Variants in SLTM observed in about 807,000 individuals in gnomAD.
The protein encoded by SLTM is SAFB-like transcription modulator.
A neutral mutation model predicts 134.6 loss-of-function variants in SLTM; 43 were observed. The observed-to-expected ratio is 0.32, with a 90% confidence interval of 0.25 to 0.41. The LOEUF (loss-of-function observed/expected upper bound fraction) is 0.41, where lower values mean the gene tolerates loss of function less well. Among genes scored for constraint, SLTM ranks in the 10% least tolerant of loss-of-function variants. The pLI is 1.00. For missense variants in SLTM, 1,055 were observed against 1,288.8 expected (o/e 0.82, Z 2.78); for synonymous variants, 424 against 432.3 (o/e 0.98, Z 0.24).
At position 58,897,168 on chromosome 15, in the gene SLTM, A is replaced by G. The variant is rs1318437240; in HGVS notation, c.1174T>C (p.Ser392Pro). The G allele has an allele frequency of 6.2e-7, 1 of 1,613,492 alleles. No individual in the cohort carries two copies. Among genetic ancestry groups the G allele is most frequent in the Admixed American group, 1.7e-5 (1 of 60,008 alleles). Reference protein sequence around the residue: ...STKNIWVSGLSSNTKAADLKN... With the variant: ...STKNIWVSGLPSNTKAADLKN... ...AAATCAGCAGCTTTGGTATTAGATG[A>G]AAGTCCACTAACCCAGATATTTTTA... is the stretch of plus-strand genomic sequence containing the variant. Residue 392 changes from serine to proline, a missense_variant, in exon 9 of 21, where the codon TCA (serine) becomes CCA (proline). Around this residue, in one of 3 missense-constraint regions of SLTM, gnomAD observed 776 missense variants for 962.2 expected, o/e 0.81. Transcript: ENST00000380516.
Position 58,893,063 on chromosome 15 carries a change from G to A in SLTM, c.1735-3C>T. On this transcript the variant is annotated splice_polypyrimidine_tract_variant and splice_region_variant and intron_variant, in intron 13 of 20. Transcript: ENST00000380516. ...TTTTCCTTACTTCTTCCATGAATCT[G>A]TAGAAAAAAATTAGAAGAACACTAG... 1 of 1,566,894 alleles carries A rather than the reference G, an allele frequency of 6.4e-7. No individual in the cohort carries two copies. Among genetic ancestry groups the A allele is most frequent in the Non-Finnish European group, 8.6e-7 (1 of 1,165,298 alleles).
chr15:58,887,244 G>A lies in SLTM; in HGVS notation c.2672C>T (p.Thr891Ile), dbSNP rs1444655866. The change falls in exon 18 of 21, where the codon ACT becomes ATT. Residue 891 changes from threonine to isoleucine, a missense_variant. By Grantham distance (89) the Thr-to-Ile change is moderately conservative. Around this residue, in one of 3 missense-constraint regions of SLTM, gnomAD observed 776 missense variants for 962.2 expected, o/e 0.81. Transcript: ENST00000380516. ...TSWKSEGSMS[T>I]DKRETRVERP... is the part of the protein sequence containing the mutation. ...CAGCTACCTTGTTTCCCGTTTGTCA[G>A]TGGACATGCTTCCTTCACTTTTCCA... The A allele has an allele frequency of 2.5e-6, 4 of 1,613,890 alleles. No homozygotes were observed. Among genetic ancestry groups the A allele is most frequent in the Non-Finnish European group, 2.5e-6 (3 of 1,179,908 alleles).
At position 58,894,488 on chromosome 15, in the gene SLTM, C is replaced by G. The variant is rs775102735; in HGVS notation, c.1322G>C (p.Cys441Ser). ...TMSSSTEVSR[C>S]IAHLHRTELH... Reference sequence around the variant, plus strand: ...CTCAGTGCGATGAAGATGTGCAATACACCTGGACACCTCTGTGCTTGAAGA... The same window carrying G: ...CTCAGTGCGATGAAGATGTGCAATAGACCTGGACACCTCTGTGCTTGAAGA... The change falls in exon 10 of 21, where the codon TGT becomes TCT. Residue 441 changes from cysteine (C) to serine (S), a missense_variant. Transcript: ENST00000380516. The G allele has an allele frequency of 1.7e-5, 27 of 1,614,034 alleles. No homozygotes were observed. Among genetic ancestry groups the G allele is most frequent in the Non-Finnish European group, 2.2e-5 (26 of 1,180,022 alleles).
chr15:58,893,442 T>G, intron 12 of SLTM, 78 bp from the exon 13 acceptor site: 3 of 979,432 alleles, frequency 3.1e-6, no homozygotes, highest in Non-Finnish European at 4.6e-6. Context: ...AAATGCTAAA[T>G]TCTGATAGTC....
chr15:58,927,110 G>A (rs1041712208), intron 2 of SLTM, among the ~76,000 whole-genome samples: 5 of 152,072 alleles, frequency 3.3e-5, no homozygotes, highest in Non-Finnish European at 5.9e-5. Context: ...AATGTGTAAG[G>A]AGAAGCCATT....
At chr15:58,885,629 C>G (rs1217725783) in intron 19 of SLTM, among the ~76,000 whole-genome samples, 2 of 151,984 alleles carry the variant, frequency 1.3e-5, no homozygotes, top group Non-Finnish European at 2.9e-5. Context: ...ACTAAAAATA[C>G]AAAAATTAGC....
intron 14 of SLTM, 109 bp from the exon 15 acceptor site, chr15:58,890,570 T>C: frequency 9.3e-7 from 1 of 1,069,686 alleles, no homozygotes; most frequent in Non-Finnish European, 1.3e-6. Context: ...AAATTTCAAC[T>C]CAATCTAAGT....
intron 20 of SLTM, 33 bp downstream of exon 20, chr15:58,883,593 G>A: frequency 6.2e-7 from 1 of 1,612,210 alleles, no homozygotes; most frequent in Non-Finnish European, 8.5e-7. Flanking sequence ...AGTGTTGGTT[G>A]TGTGCTGGCA....
chr15:58,884,815 A>G (rs141069482), intron 19 of SLTM, among the ~76,000 whole-genome samples: 56 of 151,776 alleles, frequency 3.7e-4, no homozygotes, highest in African/African-American at 1.0e-3. Context: ...TAATTTTCCT[A>G]TGGAGATGGG....
intron 2 of SLTM, among the ~76,000 whole-genome samples, chr15:58,930,649 G>C (rs1450982493): frequency 5.9e-5 from 9 of 151,314 alleles, no homozygotes; most frequent in Admixed American, 4.6e-4. Flanking sequence ...AGGAGTTTGA[G>C]GCTGCAAAGA....
At chr15:58,883,417 T>C (rs1261960472) in intron 20 of SLTM, 10 of 599,956 alleles carry the variant, frequency 1.7e-5, no homozygotes, top group Non-Finnish European at 2.6e-5. Context: ...GTCACTGAAT[T>C]CATTTAAAAG....
At chr15:58,893,184 G>T in intron 13 of SLTM, 95 bp downstream of exon 13, 1 of 1,403,802 alleles carries the variant, frequency 7.1e-7, no homozygotes, top group Admixed American at 2.3e-5. Context: ...GGGTTTGCTA[G>T]CATGCAAGTA....
chr15:58,903,576 T>C (rs919384423), intron 5 of SLTM, among the ~76,000 whole-genome samples: 2 of 150,646 alleles, frequency 1.3e-5, no homozygotes, highest in Admixed American at 6.6e-5. Flanking sequence ...TTAGGAGATA[T>C]ACCTGACGCT....
At chr15:58,901,018 A>C in intron 6 of SLTM, 2 of 389,292 alleles carry the variant, frequency 5.1e-6, no homozygotes, top group Non-Finnish European at 9.3e-6. Flanking sequence ...GGGTTAAATA[A>C]AAAATAGCAT....
chr15:58,886,110 T>C (rs1411497385), intron 19 of SLTM, among the ~76,000 whole-genome samples: 3 of 152,116 alleles, frequency 2.0e-5, no homozygotes, highest in Admixed American at 6.5e-5. Flanking sequence ...TTTAAAAATA[T>C]GTAACATTAC....
At chr15:58,890,104 A>G in intron 15 of SLTM, 177 bp downstream of exon 15, 1 of 661,842 alleles carries the variant, frequency 1.5e-6, no homozygotes, top group Non-Finnish European at 2.6e-6. Context: ...CAAAGTCACT[A>G]CTAATTCTAT....
chr15:58,883,701 TGAGAGG>T lies in SLTM; in HGVS notation c.2915_2920del (p.Pro972_Ser973del). The T allele has an allele frequency of 6.2e-7, 1 of 1,614,054 alleles. No individual in the cohort carries two copies. Among genetic ancestry groups the T allele is most frequent in the Non-Finnish European group, 8.5e-7 (1 of 1,180,004 alleles). On this transcript the variant is annotated inframe_deletion, in exon 20 of 21. Transcript: ENST00000380516. ...CCTCGTATCATGATAGCTAGGCCCT[TGAGAGG>T]GTGGACCATGCCACTCTTTCCTTGG... is the stretch of plus-strand genomic sequence containing the variant.
At chr15:58,926,907 T>C (rs1357451356) in intron 2 of SLTM, among the ~76,000 whole-genome samples, 1 of 152,072 alleles carries the variant, frequency 6.6e-6, no homozygotes, top group East Asian at 1.9e-4. Flanking sequence ...CCACCGCGCC[T>C]GGCCAAATGT....
intron 20 of SLTM, among the ~76,000 whole-genome samples, chr15:58,882,530 G>C (rs1595816769): frequency 6.6e-6 from 1 of 152,180 alleles, no homozygotes; most frequent in Non-Finnish European, 1.5e-5. Flanking sequence ...ATAAAGATAA[G>C]TGACCGTGTG....
Sources: allele counts gnomAD v4.1 joint callset (sites outside exome capture counted in the v4.1 genomes callset), GRCh38; gene constraint gnomAD v4.1.1; regional missense constraint gnomAD v4.1.1; transcripts MANE v1.5; gene names NCBI Gene and HGNC (gene_info 2026-07-23, HGNC 2026-07-21).